SLC35F4: variants seen among roughly 807,000 people sequenced by gnomAD.
The protein encoded by SLC35F4 is chromosome 14 open reading frame 36.
Under a neutral mutation model 44.2 loss-of-function variants are expected in SLC35F4, and 24 were observed. The ratio of observed to expected loss-of-function variants is 0.54; its 90% CI spans 0.39 to 0.76. The LOEUF (loss-of-function observed/expected upper bound fraction) is 0.76, where lower values mean the gene tolerates loss of function less well. Among genes scored for constraint, SLC35F4 ranks in the 30% least tolerant of loss-of-function variants. SLC35F4 has a pLI of 0.00. For synonymous variants in SLC35F4, 238 were observed against 223.6 expected (o/e 1.06, Z -0.57); for missense variants, 562 against 586.1 (o/e 0.96, Z 0.42).
At chr14:57,745,773 A>C (rs2076737438) in intron 1 of SLC35F4, among the ~76,000 whole-genome samples, 1 of 152,290 alleles carries the variant, frequency 6.6e-6, no homozygotes, top group East Asian at 1.9e-4. Flanking sequence ...TACTATAAAG[A>C]CACACGCACC....
At chr14:57,870,124 C>CTGTGTG (rs34282878), upstream of SLC35F4, among the ~76,000 whole-genome samples, 9,562 of 146,118 alleles carry the variant, frequency 0.065, 357 homozygotes, top group Middle Eastern at 0.14. Context: ...TGTCTATGAT[C>CTGTGTG]TGTGTGTGTG....
chr14:57,644,081 T>A (rs1012919733), intron 1 of SLC35F4, among the ~76,000 whole-genome samples: 11 of 152,218 alleles, frequency 7.2e-5, no homozygotes, highest in African/African-American at 2.2e-4. Flanking sequence ...TAAACATACG[T>A]GTGCATGTGT....
At chr14:57,691,800 T>C (rs2075239437) in intron 1 of SLC35F4, among the ~76,000 whole-genome samples, 1 of 152,022 alleles carries the variant, frequency 6.6e-6, no homozygotes, top group African/African-American at 2.4e-5. Flanking sequence ...ACGAGATACT[T>C]ATATAACATG....
chr14:57,928,469 T>C (rs1471493398), intron 1 of SLC35F4, among the ~76,000 whole-genome samples: 2 of 152,112 alleles, frequency 1.3e-5, no homozygotes, highest in African/African-American at 4.8e-5. Context: ...CACCCAACAG[T>C]CATGAGGAAC....
At chr14:57,734,590 T>C (rs188111349) in intron 1 of SLC35F4, among the ~76,000 whole-genome samples, 16 of 152,322 alleles carry the variant, frequency 1.1e-4, no homozygotes, top group Non-Finnish European at 1.9e-4. Flanking sequence ...CTTATCACTA[T>C]ATTAAGCTGG....
chr14:57,572,286 T>C (rs1309223226), intron 4 of SLC35F4, among the ~76,000 whole-genome samples: 1 of 152,224 alleles, frequency 6.6e-6, no homozygotes, highest in Non-Finnish European at 1.5e-5. Context: ...TTAGGCCTAA[T>C]AATTTTAATT....
intron 1 of SLC35F4, among the ~76,000 whole-genome samples, chr14:57,773,138 C>G (rs1018917368): frequency 3.3e-5 from 5 of 152,034 alleles, no homozygotes; most frequent in Admixed American, 6.6e-5. Flanking sequence ...TGTATTTCTT[C>G]TTTTGAGAAA....
At chr14:57,886,243 G>T (rs1410863434) in intron 1 of SLC35F4, among the ~76,000 whole-genome samples, 3 of 152,104 alleles carry the variant, frequency 2.0e-5, no homozygotes, top group Admixed American at 6.6e-5. Flanking sequence ...TTATCTCACA[G>T]TTTCTGTGGG....
intron 1 of SLC35F4, among the ~76,000 whole-genome samples, chr14:57,628,108 C>T (rs958640378): frequency 5.3e-5 from 8 of 151,964 alleles, no homozygotes; most frequent in African/African-American, 1.5e-4. Flanking sequence ...ATTTTTGGTA[C>T]GTACATTTCA....
chr14:57,778,732 C>T (rs1043806530), intron 1 of SLC35F4, among the ~76,000 whole-genome samples: 8 of 150,562 alleles, frequency 5.3e-5, no homozygotes, highest in Admixed American at 2.0e-4. Flanking sequence ...TAAAACAATG[C>T]TCAGCAAATT....
chr14:57,756,057 GC>G (rs1179020069), intron 1 of SLC35F4, among the ~76,000 whole-genome samples: 4 of 152,184 alleles, frequency 2.6e-5, no homozygotes, highest in African/African-American at 9.7e-5. Flanking sequence ...GCAGGCAGTT[GC>G]CCTGTTTTCC....
At chr14:57,945,070 T>C (rs923658174) in intron 1 of SLC35F4, among the ~76,000 whole-genome samples, 6 of 152,066 alleles carry the variant, frequency 3.9e-5, no homozygotes, top group Non-Finnish European at 8.8e-5. Context: ...GGTCTTCCTT[T>C]GCATCCAAGA....
At chr14:57,874,779 T>C (rs1443428729) in intron 1 of SLC35F4, among the ~76,000 whole-genome samples, 1 of 152,204 alleles carries the variant, frequency 6.6e-6, no homozygotes, top group Non-Finnish European at 1.5e-5. Context: ...TTATCCTTCT[T>C]TCTGTCTTCC....
chr14:57,910,870 A>G (rs1186944862), intron 1 of SLC35F4, among the ~76,000 whole-genome samples: 1 of 152,050 alleles, frequency 6.6e-6, no homozygotes, highest in Non-Finnish European at 1.5e-5. Flanking sequence ...ACAAAAAGTG[A>G]CATTATAACA....
At chr14:57,888,149 T>C (rs1888690822) in intron 1 of SLC35F4, among the ~76,000 whole-genome samples, 1 of 152,188 alleles carries the variant, frequency 6.6e-6, no homozygotes, top group African/African-American at 2.4e-5. Flanking sequence ...AGACAGAGTT[T>C]ATACCAAGAA....
chr14:57,585,072 T>C (rs532171301), intron 3 of SLC35F4, among the ~76,000 whole-genome samples: 1 of 152,340 alleles, frequency 6.6e-6, no homozygotes, highest in African/African-American at 2.4e-5. Flanking sequence ...CCAGTAAGCA[T>C]TTACTCTCTT....
At chr14:57,764,660 G>A (rs1038787095) in intron 1 of SLC35F4, among the ~76,000 whole-genome samples, 1 of 152,150 alleles carries the variant, frequency 6.6e-6, no homozygotes, top group Non-Finnish European at 1.5e-5. Context: ...ATTGTAAATG[G>A]TTTTATGCCA....
intron 1 of SLC35F4, among the ~76,000 whole-genome samples, chr14:57,917,450 C>T (rs894776967): frequency 5.9e-5 from 9 of 151,824 alleles, no homozygotes; most frequent in Admixed American, 5.3e-4. Context: ...TTTTTAATTC[C>T]TTGTCTGATA....
At chr14:57,824,214 G>T (rs1282705671) in intron 1 of SLC35F4, among the ~76,000 whole-genome samples, 1 of 151,806 alleles carries the variant, frequency 6.6e-6, no homozygotes, top group Non-Finnish European at 1.5e-5. Context: ...TACTAGGTCA[G>T]AAGTCTGAAT....
Sources: gnomAD v4.1 joint callset for allele counts (sites outside exome capture counted in the v4.1 genomes callset) on GRCh38, gnomAD v4.1.1 for gene constraint, MANE v1.5 for transcripts, NCBI Gene and HGNC (gene_info 2026-07-23, HGNC 2026-07-21) for gene names.